Variants in PDE5A observed in about 807,000 individuals in gnomAD.
The protein encoded by PDE5A is cGMP-specific 3',5'-cyclic phosphodiesterase.
A neutral mutation model predicts 110.2 loss-of-function variants in PDE5A; 67 were observed. The ratio of observed to expected loss-of-function variants is 0.61; its 90% CI spans 0.50 to 0.75. The LOEUF is 0.75. Among genes scored for constraint, PDE5A ranks in the 30% least tolerant of loss-of-function variants. The pLI is 0.00. For synonymous variants in PDE5A, 328 were observed against 351.2 expected (o/e 0.93, Z 0.74); for missense variants, 862 against 1,045.1 (o/e 0.82, Z 2.42).
chr4:119,535,801 G>A (rs1031855998), intron 11 of PDE5A, among the ~76,000 whole-genome samples: 6 of 152,046 alleles, frequency 3.9e-5, no homozygotes, highest in East Asian at 1.9e-4. Flanking sequence ...GGACACAGGC[G>A]TAAATATTTA....
chr4:119,509,450 G>A (rs144558589), intron 15 of PDE5A, among the ~76,000 whole-genome samples: 359 of 152,138 alleles, frequency 2.4e-3, no homozygotes, highest in African/African-American at 8.3e-3. Flanking sequence ...AGTCCAAAGC[G>A]AGGGAGAGAG....
rs951870569 is a variant in PDE5A, at chr4:119,539,075, C to T, written c.1573-56G>A. 9 of 1,290,392 alleles carry T rather than the reference C, an allele frequency of 7.0e-6. No individual in the cohort carries two copies. The African/African-American group carries it at 8.8e-5, about 13-fold the overall frequency. 79.9% of individuals were successfully genotyped at this position (1,290,392 alleles called of 1,614,324 possible). A position where few individuals can be genotyped will look rare whatever the true frequency, so the allele number is the denominator to read the frequency against. On this transcript the variant is annotated intron_variant, in intron 10 of 20. Coordinates refer to ENST00000354960, the MANE Select transcript of PDE5A (RefSeq NM_001083.4). ...ACAGGAGAGAACTACCACATGTAGA[C>T]TAGAACTTCAAGCTTGGAATTCTGC... is the stretch of plus-strand genomic sequence containing the variant.
intron 11 of PDE5A, chr4:119,527,070 G>A (rs1726348324): frequency 6.6e-6 from 1 of 152,114 alleles, no homozygotes; most frequent in African/African-American, 2.4e-5. Flanking sequence ...GATAACAGCT[G>A]CTTTCCTTAA....
intron 2 of PDE5A, 135 bp downstream of exon 2, chr4:119,606,574 G>A (rs1164080039): frequency 3.2e-6 from 2 of 633,120 alleles, no homozygotes; most frequent in Non-Finnish European, 5.5e-6. Context: ...TTTTAAATAA[G>A]TATGCAAATT....
intron 4 of PDE5A, 94 bp downstream of exon 4, chr4:119,566,979 A>G (rs1156462700): frequency 7.0e-6 from 6 of 851,612 alleles, no homozygotes; most frequent in Non-Finnish European, 1.2e-5. Context: ...TTGTGTGACC[A>G]ACAATTTCAG....
chr4:119,604,671 A>G (rs1398022388), intron 2 of PDE5A, among the ~76,000 whole-genome samples: 4 of 152,214 alleles, frequency 2.6e-5, no homozygotes, highest in Non-Finnish European at 4.4e-5. Flanking sequence ...GACTTAACCT[A>G]GATGAAGTAT....
At chr4:119,571,005 C>T (rs923162295) in intron 3 of PDE5A, among the ~76,000 whole-genome samples, 4 of 152,148 alleles carry the variant, frequency 2.6e-5, no homozygotes, top group African/African-American at 9.7e-5. Flanking sequence ...TACTAAGTGC[C>T]TTTATGTACC....
chr4:119,525,095 A>G lies in PDE5A; in HGVS notation c.1779+454T>C, dbSNP rs1057147376. Among the ~76,000 whole-genome samples the G allele has an allele frequency of 6.6e-6, 1 of 152,164 alleles. No individual in the cohort carries two copies. Among genetic ancestry groups the G allele is most frequent in the Admixed American group, 6.5e-5 (1 of 15,268 alleles). On this transcript the variant is annotated intron_variant, in intron 12 of 20. Transcript: ENST00000354960. The surrounding 1 kb of genome is among the most constrained non-coding windows in gnomAD (Gnocchi z 4.3). ...TGTACACTATTGTTATAACCATTGC[A>G]GTGAGATCATGCTACTTCTCTGCAT...
chr4:119,525,808 T>C lies in PDE5A; in HGVS notation c.1633-113A>G. 1 of 1,065,274 alleles carries C rather than the reference T, an allele frequency of 9.4e-7. No individual in the cohort carries two copies. The highest frequency in any genetic ancestry group is 1.3e-6 in the Non-Finnish European group (1 of 749,484). The allele number at this position is 1,065,274 out of a possible 1,614,324, so 66.0% of individuals were successfully genotyped here. A position where few individuals can be genotyped will look rare whatever the true frequency, so the allele number is the denominator to read the frequency against. On this transcript the variant is annotated intron_variant, in intron 11 of 20. Coordinates refer to ENST00000354960, the MANE Select transcript of PDE5A (RefSeq NM_001083.4). The surrounding 1 kb of genome is among the most constrained non-coding windows in gnomAD (Gnocchi z 4.3). ...AGCATATTGTGGCTTTTTTTTCCTT[T>C]TTAATGAAAGACACTAGAAACCTTT...
chr4:119,524,668 A>G (rs1726244918), intron 12 of PDE5A, among the ~76,000 whole-genome samples: 2 of 152,166 alleles, frequency 1.3e-5, no homozygotes, highest in African/African-American at 4.8e-5. Flanking sequence ...ATACAATGCT[A>G]AATAGTGGAG....
At chr4:119,518,212 T>C (rs1235686407) in intron 14 of PDE5A, among the ~76,000 whole-genome samples, 2 of 152,258 alleles carry the variant, frequency 1.3e-5, no homozygotes, top group Non-Finnish European at 2.9e-5. Context: ...GTTGAATCAC[T>C]TGTGTACTTA....
At chr4:119,505,984 T>G in intron 16 of PDE5A, 52 bp from the exon 17 acceptor site, 1 of 996,658 alleles carries the variant, frequency 1.0e-6, no homozygotes, top group Non-Finnish European at 1.5e-6. Context: ...CAGGGTCTTA[T>G]CCCTTTGGTC....
intron 1 of PDE5A, among the ~76,000 whole-genome samples, chr4:119,623,848 C>T (rs879716005): frequency 6.6e-6 from 1 of 151,852 alleles, no homozygotes; most frequent in Non-Finnish European, 1.5e-5. Flanking sequence ...CTAAGCAAAT[C>T]GATTTATTTG....
At chr4:119,564,223 T>A (rs557038835) in intron 5 of PDE5A, among the ~76,000 whole-genome samples, 5 of 152,194 alleles carry the variant, frequency 3.3e-5, no homozygotes, top group African/African-American at 1.2e-4. Flanking sequence ...ACAACATGGA[T>A]GCTAGTTAGA....
chr4:119,622,066 C>T (rs1015073457), intron 1 of PDE5A, among the ~76,000 whole-genome samples: 16 of 151,342 alleles, frequency 1.1e-4, no homozygotes, highest in Admixed American at 6.6e-4. Context: ...CCCAGCTACT[C>T]GGGAGGCTGA....
At chr4:119,505,716 C>A in intron 17 of PDE5A, 139 bp downstream of exon 17, 2 of 579,330 alleles carry the variant, frequency 3.5e-6, no homozygotes, top group Non-Finnish European at 6.1e-6. Context: ...CTTTGTACAA[C>A]CCTCTGGAGA....
chr4:119,539,210 C>T (rs1183330228), intron 10 of PDE5A, 191 bp from the exon 11 acceptor site: 3 of 559,534 alleles, frequency 5.4e-6, no homozygotes, highest in Non-Finnish European at 6.5e-6. Flanking sequence ...TTTTGGAAAA[C>T]AAAAAGTTAT....
Position 119,520,967 on chromosome 4 carries a change from T to G in PDE5A, c.1873A>C (p.Met625Leu). Residue 625 changes from methionine to leucine, a missense_variant, in exon 13 of 21, where the codon ATG (methionine) becomes CTG (leucine). Transcript: ENST00000354960. The part of the protein sequence containing the change: ...WRHAFNTAQC[M>L]FAALKAGKIQ... ...TTGCCTGCTTTTAGAGCAGCAAACA[T>G]GCACTGAGCTGTATTAAAGGCATGT... 1.2e-6 allele frequency: 2 copies of G among 1,612,022 alleles called. No homozygotes were observed. Among genetic ancestry groups the G allele is most frequent in the Non-Finnish European group, 1.7e-6 (2 of 1,178,828 alleles).
At chr4:119,584,472 G>GT (rs1173179960) in intron 3 of PDE5A, among the ~76,000 whole-genome samples, 2 of 152,086 alleles carry the variant, frequency 1.3e-5, no homozygotes, top group African/African-American at 4.8e-5. Context: ...CTAAACAGAA[G>GT]TGTAACAAAT....
Sources: gnomAD v4.1 joint callset for allele counts (sites outside exome capture counted in the v4.1 genomes callset) on GRCh38, gnomAD v4.1.1 for gene constraint, Gnocchi (gnomAD v3.1) non-coding constraint, MANE v1.5 for transcripts, NCBI Gene and HGNC (gene_info 2026-07-23, HGNC 2026-07-21) for gene names.